The following FLG2 variants were observed in gnomAD, a reference collection of about 807,000 sequenced individuals.
FLG2 encodes filaggrin-2.
Under a neutral mutation model 3.9 loss-of-function variants are expected in FLG2, and 7 were observed. The observed-to-expected ratio is 1.79, with a 90% confidence interval of 1.02 to 3.36. The LOEUF (loss-of-function observed/expected upper bound fraction) is 3.36, where lower values mean the gene tolerates loss of function less well. Among genes scored for constraint, FLG2 ranks in the 30% most tolerant of loss-of-function variants. The pLI is 0.00. For missense variants in FLG2, 2,700 were observed against 2,809.4 expected (o/e 0.96, Z 0.88); for synonymous variants, 1,031 against 1,056.1 (o/e 0.98, Z 0.46).
chr1:152,352,470 T>C lies in FLG2; in HGVS notation c.5316A>G (p.Gly1772=). Residue 1772 remains glycine, a synonymous_variant, in exon 3 of 3, where the codon GGA becomes GGG. Transcript: ENST00000388718. ...CATGTCTGGTGGTATCGCCTGTCTGTCCATGTATAGTTCCATGTCTCTCAT... is the reference window on the plus strand; with the variant it reads ...CATGTCTGGTGGTATCGCCTGTCTGCCCATGTATAGTTCCATGTCTCTCAT... ...IVHERHGTIH[G]QTGDTTRHAH... 6.2e-7 allele frequency: 1 copy of C among 1,613,520 alleles called. No individual in the cohort carries two copies. The highest frequency in any genetic ancestry group is 8.5e-7 in the Non-Finnish European group (1 of 1,179,812).
rs943418311 is a variant in FLG2 at position 152,358,991 on chromosome 1, T to A, written c.-22-85A>T. The A allele has an allele frequency of 4.3e-5, 54 of 1,260,152 alleles. No homozygotes were observed. The African/African-American group carries it at 6.7e-4, about 16-fold the overall frequency. The allele number at this position is 1,260,152 out of a possible 1,614,324, so 78.1% of individuals were successfully genotyped here. A position where few individuals can be genotyped will look rare whatever the true frequency, so the allele number is the denominator to read the frequency against. On this transcript the variant is annotated intron_variant, in intron 1 of 2. Coordinates refer to ENST00000388718, the MANE Select transcript of FLG2 (RefSeq NM_001014342.3). ...TCATTTTAATAATAACCAGCATGAT[T>A]TTTTTAACCTCTTGTTTTTTAAATC...
chr1:152,351,495 T>G lies in FLG2; in HGVS notation c.6291A>C (p.Thr2097=). The change falls in exon 3 of 3, where the codon ACA becomes ACC. Residue 2097 remains threonine, a synonymous_variant. Transcript: ENST00000388718. ...HGQSTQRGSR[T]AGRRGSGHSE... ...TGTGGCCAGATCCCCTTCTTCCAGC[T>G]GTCCTTGACCCTCTCTGTGTGGACT... The G allele has an allele frequency of 6.2e-7, 1 of 1,612,562 alleles. No individual in the cohort carries two copies. Among genetic ancestry groups the G allele is most frequent in the Non-Finnish European group, 8.5e-7 (1 of 1,179,632 alleles).
chr1:152,353,673 G>A lies in FLG2; in HGVS notation c.4113C>T (p.Ser1371=). The change falls in exon 3 of 3, where the codon AGC becomes AGT. Residue 1371 remains serine, a synonymous_variant. Transcript: ENST00000388718. ...ACTCTCCATGTTGAGATCCAGCTTGGCTGTGAGTTTGTTCTTGTGAGTGTG... is the reference window on the plus strand; with the variant it reads ...ACTCTCCATGTTGAGATCCAGCTTGACTGTGAGTTTGTTCTTGTGAGTGTG... The part of the protein sequence containing the change: ...HRPHSQEQTH[S]QAGSQHGESE... The A allele has an allele frequency of 1.2e-6, 2 of 1,613,588 alleles. No homozygotes were observed. Among genetic ancestry groups the A allele is most frequent in the Non-Finnish European group, 1.7e-6 (2 of 1,179,858 alleles).
chr1:152,351,859 T>C lies in FLG2; in HGVS notation c.5927A>G (p.His1976Arg), dbSNP rs1367203766. 1 of 1,613,164 alleles carries C rather than the reference T, an allele frequency of 6.2e-7. No individual in the cohort carries two copies. Residue 1976 changes from histidine to arginine, a missense_variant, in exon 3 of 3, where the codon CAC (histidine) becomes CGC (arginine). Transcript: ENST00000388718. ...TGGATAGTGAGATCCAGCTTGACCG[T>C]GAGTGTGTCCTGAATGTGTGTGTGA... ...GVSHTHSGHT[H>R]GQAGSHYPES...
In FLG2 at chr1:152,355,733, C is replaced by T. The variant is rs777168580; in HGVS notation, c.2053G>A (p.Glu685Lys). The T allele has an allele frequency of 1.9e-6, 3 of 1,613,976 alleles. No homozygotes were observed. Among genetic ancestry groups the T allele is most frequent in the South Asian group, 2.2e-5 (2 of 91,074 alleles). The change falls in exon 3 of 3, where the codon GAG (glutamate) becomes AAG (lysine). Residue 685 changes from glutamate (E) to lysine (K), a missense_variant. Glu to Lys is a moderately conservative substitution (Grantham distance 56). Transcript: ENST00000388718. The stretch of plus-strand genomic sequence containing the variant: ...TAGCTAGAATGACCTGATCTAGACT[C>T]ATGTTGTCCAAAACCAGAGGATTGT... ...SGQSSGFGQHESRSGHSSYGQ... is the reference protein window; with the variant it reads ...SGQSSGFGQHKSRSGHSSYGQ...
In FLG2 at chr1:152,353,003, G is replaced by A. The variant is rs771013080; in HGVS notation, c.4783C>T (p.Arg1595Ter). The stretch of plus-strand genomic sequence containing the variant: ...CCGGCTTGGCCGTAAGTGTGTTCTC[G>A]TGAGTGTGGTCTGTGTGAGCCCCCT... ...HSGGSHRPHS[R>*]EHTYGQAGSQ... Residue 1595 changes from arginine to a stop codon, truncating the protein, a stop_gained, in exon 3 of 3, where the codon CGA (arginine) becomes TGA (stop). Coordinates refer to ENST00000388718, the MANE Select transcript of FLG2 (RefSeq NM_001014342.3). LOFTEE classifies it low-confidence loss of function (END_TRUNC). 69 of 1,613,002 alleles carry A rather than the reference G, an allele frequency of 4.3e-5. No individual in the cohort carries two copies. Among genetic ancestry groups the A allele is most frequent in the East Asian group, 3.1e-4 (14 of 44,786 alleles).
rs770485099 is a variant in FLG2 at position 152,356,118 on chromosome 1, A to G, written c.1668T>C (p.Tyr556=). The G allele has an allele frequency of 1.2e-5, 19 of 1,613,656 alleles. No homozygotes were observed. The highest frequency in any genetic ancestry group is 3.3e-5 in the South Asian group (3 of 91,048). ...ATGTCTCTCTAGACCCATATTGGCCATAGCCAGATGATTGACTTGAGCCAG... is the reference window on the plus strand; with the variant it reads ...ATGTCTCTCTAGACCCATATTGGCCGTAGCCAGATGATTGACTTGAGCCAG... The part of the protein sequence containing the change: ...HGSGSSQSSG[Y]GQYGSRETSG... Residue 556 remains tyrosine, a synonymous_variant, in exon 3 of 3, where the codon TAT becomes TAC. Transcript: ENST00000388718.
Position 152,351,721 on chromosome 1 carries a change from G to T in FLG2, c.6065C>A (p.Thr2022Lys). Residue 2022 changes from threonine to lysine, a missense_variant, in exon 3 of 3, where the codon ACA becomes AAA. Coordinates refer to ENST00000388718, the MANE Select transcript of FLG2 (RefSeq NM_001014342.3). ...HGQSTQRGSR[T>K]TGRRASGHSE... ...GTGGCCAGATGCCCTTCTTCCAGTT[G>T]TCCTGGACCCTCTCTGTGTGGACTG... 6 of 1,610,246 alleles carry T rather than the reference G, an allele frequency of 3.7e-6. No individual in the cohort carries two copies. The highest frequency in any genetic ancestry group is 5.1e-6 in the Non-Finnish European group (6 of 1,179,276).
Position 152,350,290 on chromosome 1 carries a change from G to C in FLG2, c.*320C>G, listed in dbSNP as rs1653858528. On this transcript the variant is annotated 3_prime_UTR_variant, in exon 3 of 3. Coordinates refer to ENST00000388718, the MANE Select transcript of FLG2 (RefSeq NM_001014342.3). ...AGTATGGGATTCCTGTTTTCTGATT[G>C]AACTAGATTTTGAATGGCCATGAAC... 1 of 314,210 alleles carries C rather than the reference G, an allele frequency of 3.2e-6. No individual in the cohort carries two copies. The highest frequency in any genetic ancestry group is 2.1e-5 in the African/African-American group (1 of 47,210). 19.5% of individuals were successfully genotyped at this position (314,210 alleles called of 1,614,324 possible).
Position 152,357,204 on chromosome 1 carries a change from T to A in FLG2, c.582A>T (p.Lys194Asn). 6.2e-7 allele frequency: 1 copy of A among 1,614,218 alleles called. No homozygotes were observed. The highest frequency in any genetic ancestry group is 8.5e-7 in the Non-Finnish European group (1 of 1,180,042). ...SSCGHSWSGG[K>N]DRHGSSSVEL... ...CTACAGAGCTGGAACCATGTCTGTC[T>A]TTGCCACCACTCCATGAATGACCAC... Residue 194 changes from lysine (K) to asparagine (N), a missense_variant, in exon 3 of 3, where the codon AAA (lysine) becomes AAT (asparagine). Physicochemically the swap from Lys to Asn is moderately conservative, Grantham distance 94. Transcript: ENST00000388718.
In FLG2 at chr1:152,356,015, A is replaced by G; in HGVS notation, c.1771T>C (p.Ser591Pro). 2 of 1,613,630 alleles carry G rather than the reference A, an allele frequency of 1.2e-6. No homozygotes were observed. Among genetic ancestry groups the G allele is most frequent in the Non-Finnish European group, 1.7e-6 (2 of 1,179,860 alleles). ...GQYGSGSGQS[S>P]GFGQHGSGSG... ...CCAGACCCATGTTGTCCAAAGCCAG[A>G]GGACTGACCTGAGCCCGATCCATAT... The change falls in exon 3 of 3, where the codon TCT becomes CCT. Residue 591 changes from serine to proline, a missense_variant. Physicochemically the swap from Ser to Pro is moderately conservative, Grantham distance 74. Transcript: ENST00000388718.
In FLG2 at chr1:152,352,169, T is replaced by C. The variant is rs762126229; in HGVS notation, c.5617A>G (p.Thr1873Ala). The change falls in exon 3 of 3, where the codon ACT becomes GCT. Residue 1873 changes from threonine (T) to alanine (A), a missense_variant. Physicochemically the swap from Thr to Ala is moderately conservative, Grantham distance 58 (BLOSUM62 0). Coordinates refer to ENST00000388718, the MANE Select transcript of FLG2 (RefSeq NM_001014342.3). ...GQSTQSGSST[T>A]GRRRSGHSES... ...CTGTGGCCAGATCTCCTTCTTCCAG[T>C]TGTACTGGATCCTGACTGTGTGGAC... 5 of 1,613,636 alleles carry C rather than the reference T, an allele frequency of 3.1e-6. No homozygotes were observed. The highest frequency in any genetic ancestry group is 1.7e-5 in the Admixed American group (1 of 59,940).
chr1:152,351,689 A>T lies in FLG2; in HGVS notation c.6097T>A (p.Tyr2033Asn). 1.9e-6 allele frequency: 3 copies of T among 1,608,314 alleles called. No homozygotes were observed. The South Asian group carries it at 3.3e-5, about 18-fold the overall frequency. Reference protein sequence around the residue: ...TGRRASGHSEYSDSEGHSGVS... With the variant: ...TGRRASGHSENSDSEGHSGVS... The stretch of plus-strand genomic sequence containing the variant: ...CCTGAGTGCCCTTCACTGTCACTGT[A>T]CTCACTGTGGCCAGATGCCCTTCTT... The change falls in exon 3 of 3, where the codon TAC becomes AAC. Residue 2033 changes from tyrosine to asparagine, a missense_variant. Tyr to Asn is a moderately radical substitution (Grantham distance 143). Coordinates refer to ENST00000388718, the MANE Select transcript of FLG2 (RefSeq NM_001014342.3).
In FLG2 at chr1:152,354,397, T is replaced by A. The variant is rs1370242169; in HGVS notation, c.3389A>T (p.Gln1130Leu). The change falls in exon 3 of 3, where the codon CAA becomes CTA. Residue 1130 changes from glutamine to leucine, a missense_variant. By Grantham distance (113) the Gln-to-Leu change is moderately radical. Coordinates refer to ENST00000388718, the MANE Select transcript of FLG2 (RefSeq NM_001014342.3). Reference sequence around the variant, plus strand: ...GGATTTACCTGTGCCTGACCCATGTTGTCCAAAGCCAGAAGACTGACCTGA... The same window carrying A: ...GGATTTACCTGTGCCTGACCCATGTAGTCCAAAGCCAGAAGACTGACCTGA... ...SGSGQSSGFGQHGSGTGKSSG... is the reference protein window; with the variant it reads ...SGSGQSSGFGLHGSGTGKSSG... 5 of 1,614,118 alleles carry A rather than the reference T, an allele frequency of 3.1e-6. No individual in the cohort carries two copies. The East Asian group carries it at 1.1e-4, about 36-fold the overall frequency.
At position 152,356,770 on chromosome 1, in the gene FLG2, C is replaced by G; in HGVS notation, c.1016G>C (p.Gly339Ala). 6.2e-7 allele frequency: 1 copy of G among 1,614,154 alleles called. No individual in the cohort carries two copies. Among genetic ancestry groups the G allele is most frequent in the Non-Finnish European group, 8.5e-7 (1 of 1,180,020 alleles). ...ACTACAGGGGTTAGACTCAGGTTGA[C>G]CACATCCAGAGGGCTGACCTCCTGA... is the stretch of plus-strand genomic sequence containing the variant. ...CVSGGQPSGC[G>A]QPESNPCSQS... Residue 339 changes from glycine (G) to alanine (A), a missense_variant, in exon 3 of 3, where the codon GGT becomes GCT. Physicochemically the swap from Gly to Ala is moderately conservative, Grantham distance 60 (BLOSUM62 0). Transcript: ENST00000388718.
intron 2 of FLG2, among the ~76,000 whole-genome samples, chr1:152,358,078 G>C (rs559121346): frequency 6.6e-6 from 1 of 151,170 alleles, no homozygotes; most frequent in Admixed American, 6.6e-5. Flanking sequence ...CTGGAGTGCA[G>C]TGGTGCGATC....
rs574412094 is a variant in FLG2, at chr1:152,349,020, C to T, written c.*1590G>A. 52 of 152,234 alleles carry T rather than the reference C, an allele frequency of 3.4e-4. No individual in the cohort carries two copies. Among genetic ancestry groups the T allele is most frequent in the African/African-American group, 1.2e-3 (51 of 41,538 alleles). The allele number at this position is 152,234 out of a possible 1,614,324, so 9.4% of individuals were successfully genotyped here. A position where few individuals can be genotyped will look rare whatever the true frequency, so the allele number is the denominator to read the frequency against. On this transcript the variant is annotated 3_prime_UTR_variant, in exon 3 of 3. Transcript: ENST00000388718. ...TTAATTAAAACAAAATCTGGAAAAT[C>T]CAAATTTTGAAATTCGGAAATTTTT...
At chr1:152,359,342 T>C (rs926015674) in intron 1 of FLG2, among the ~76,000 whole-genome samples, 29 of 152,176 alleles carry the variant, frequency 1.9e-4, no homozygotes, top group African/African-American at 7.0e-4. Flanking sequence ...ACCATGCACA[T>C]CTGTTTATCC....
At chr1:152,359,566 G>A (rs1317611942) in intron 1 of FLG2, among the ~76,000 whole-genome samples, 1 of 152,088 alleles carries the variant, frequency 6.6e-6, no homozygotes, top group Non-Finnish European at 1.5e-5. Context: ...TTTAACTAGT[G>A]GATAATTAGA....
Sources: allele counts gnomAD v4.1 joint callset (sites outside exome capture counted in the v4.1 genomes callset), GRCh38; gene constraint gnomAD v4.1.1; transcripts MANE v1.5; gene names NCBI Gene and HGNC (gene_info 2026-07-23, HGNC 2026-07-21).